The following PSIP1 variants were observed in gnomAD, a reference collection of about 807,000 sequenced individuals.
The protein encoded by PSIP1 is PC4 and SFRS1-interacting protein.
A neutral mutation model predicts 74.7 loss-of-function variants in PSIP1; 19 were observed. That is an observed-to-expected ratio of 0.25 (90% CI 0.18 to 0.37). The LOEUF is 0.37. Among genes scored for constraint, PSIP1 ranks in the 10% least tolerant of loss-of-function variants. The pLI, the probability that PSIP1 is intolerant of heterozygous loss-of-function variation, is 1.00. For synonymous variants in PSIP1, 222 were observed against 195.3 expected, an observed-to-expected ratio of 1.14 and a Z score of -1.14; for missense variants, 601 against 614.3, an observed-to-expected ratio of 0.98 and a Z score of 0.23.
At chr9:15,478,599 A>T in intron 7 of PSIP1, 47 bp from the exon 8 acceptor site, 1 of 1,233,246 alleles carries the variant, frequency 8.1e-7, no homozygotes, top group Non-Finnish European at 1.2e-6. Flanking sequence ...GTTTCTATTT[A>T]AGATACAAAT....
chr9:15,493,895 C>T (rs1201017104), intron 3 of PSIP1, among the ~76,000 whole-genome samples: 1 of 152,140 alleles, frequency 6.6e-6, no homozygotes, highest in African/African-American at 2.4e-5. Flanking sequence ...CAGAGCCAAA[C>T]CATATCAGTA....
In PSIP1 at chr9:15,466,834, A is replaced by G. The variant is rs892165889; in HGVS notation, c.1446T>C (p.Ser482=). 1.2e-6 allele frequency: 2 copies of G among 1,613,040 alleles called. No homozygotes were observed. The highest frequency in any genetic ancestry group is 2.7e-5 in the African/African-American group (2 of 74,860). Residue 482 remains serine, a synonymous_variant, in exon 15 of 16, where the codon TCT becomes TCC. Transcript: ENST00000380733. ...GTGGCTGATTACCATCTTGAGCATC[A>G]GATCCTCCATTTAGAGTCTTTGACC... ...QTGSKTLNGG[S]DAQDGNQPQH... is the part of the protein sequence containing the mutation.
chr9:15,470,068 C>A, intron 10 of PSIP1, 75 bp from the exon 11 acceptor site: 4 of 1,222,752 alleles, frequency 3.3e-6, no homozygotes, highest in Non-Finnish European at 4.7e-6. Flanking sequence ...TATGTAAAAG[C>A]TAAAAATGTT....
In PSIP1 at chr9:15,469,057, T is replaced by A. The variant is rs536287269; in HGVS notation, c.1106A>T (p.Asp369Val). 6.2e-7 allele frequency: 1 copy of A among 1,612,512 alleles called. No homozygotes were observed. Among genetic ancestry groups the A allele is most frequent in the South Asian group, 1.1e-5 (1 of 90,794 alleles). ...CAAGGCCTCAATGCATCTGTTCACA[T>A]CCTTCATGACAAAACAGTAATTTCA... ...IKNSLKIDNL[D>V]VNRCIEALDE... is the part of the protein sequence containing the mutation. Residue 369 changes from aspartate (D) to valine (V), a missense_variant and splice_region_variant, in exon 13 of 16, where the codon GAT (aspartate) becomes GTT (valine). Asp to Val is a radical substitution (Grantham distance 152). Coordinates refer to ENST00000380733, the MANE Select transcript of PSIP1 (RefSeq NM_033222.5).
At chr9:15,508,972 G>A (rs1346638660) in intron 2 of PSIP1, among the ~76,000 whole-genome samples, 1 of 152,180 alleles carries the variant, frequency 6.6e-6, no homozygotes, top group Non-Finnish European at 1.5e-5. Flanking sequence ...AAGGAAAAAA[G>A]CTTTGGAAGG....
chr9:15,467,776 T>C (rs1003313694), intron 14 of PSIP1, among the ~76,000 whole-genome samples: 2 of 152,196 alleles, frequency 1.3e-5, no homozygotes, highest in African/African-American at 4.8e-5. Context: ...GTGAAAAAAG[T>C]AGAAGCTAAG....
Position 15,510,267 on chromosome 9 carries a change from C to T in PSIP1, c.-79G>A. The stretch of plus-strand genomic sequence containing the variant: ...GCGGCGCGGGGATGCGGGCGGCGGA[C>T]GCGGGCCCAGCTACCGGGCCCGCGG... On this transcript the variant is annotated 5_prime_UTR_variant, in exon 2 of 16. Transcript: ENST00000380733. The T allele has an allele frequency of 7.5e-7, 1 of 1,337,830 alleles. No homozygotes were observed. The highest frequency in any genetic ancestry group is 1.3e-5 in the South Asian group (1 of 75,830). 82.9% of individuals were successfully genotyped at this position (1,337,830 alleles called of 1,614,324 possible).
chr9:15,491,759 T>C (rs1297202554), intron 3 of PSIP1, among the ~76,000 whole-genome samples: 3 of 152,172 alleles, frequency 2.0e-5, no homozygotes, highest in African/African-American at 7.2e-5. Flanking sequence ...CTGGGTAATT[T>C]ATAAAGAAAA....
intron 10 of PSIP1, chr9:15,472,303 C>G: frequency 9.8e-7 from 1 of 1,024,824 alleles, no homozygotes; most frequent in South Asian, 4.5e-5. Context: ...TATATTATCG[C>G]CCCTCTATCT....
At chr9:15,483,856 G>A (rs1219301914) in intron 6 of PSIP1, among the ~76,000 whole-genome samples, 14 of 152,180 alleles carry the variant, frequency 9.2e-5, no homozygotes, top group Non-Finnish European at 1.8e-4. Flanking sequence ...AGCTGGGTAT[G>A]GTGGCGGATG....
At chr9:15,469,127 T>C in intron 12 of PSIP1, 69 bp from the exon 13 acceptor site, 1 of 1,478,130 alleles carries the variant, frequency 6.8e-7, no homozygotes. Flanking sequence ...TTTCTAAAGA[T>C]CGTTTCCAAA....
intron 8 of PSIP1, 87 bp downstream of exon 8, chr9:15,478,389 AG>A: frequency 9.6e-7 from 1 of 1,039,402 alleles, no homozygotes; most frequent in Non-Finnish European, 1.4e-6. Context: ...ATCCTGTAAG[AG>A]AAAACTGATA....
At chr9:15,488,854 T>C (rs2036684263) in intron 4 of PSIP1, among the ~76,000 whole-genome samples, 1 of 152,098 alleles carries the variant, frequency 6.6e-6, no homozygotes, top group Admixed American at 6.5e-5. Context: ...ACCCCGTCTC[T>C]ACTAAAAATA....
chr9:15,498,983 GTTT>G (rs919540189), intron 3 of PSIP1, among the ~76,000 whole-genome samples: 3 of 152,002 alleles, frequency 2.0e-5, no homozygotes, highest in Non-Finnish European at 4.4e-5. Flanking sequence ...CTTCTATATT[GTTT>G]TTTAAAATTT....
At chr9:15,490,252 T>A (rs2036762517) in intron 3 of PSIP1, 128 bp from the exon 4 acceptor site, 2 of 807,258 alleles carry the variant, frequency 2.5e-6, no homozygotes, top group Non-Finnish European at 3.6e-6. Context: ...TTAAATAAGT[T>A]AAAGGGCAAT....
intron 6 of PSIP1, among the ~76,000 whole-genome samples, chr9:15,481,518 A>T (rs999947426): frequency 6.6e-6 from 1 of 152,180 alleles, no homozygotes; most frequent in Non-Finnish European, 1.5e-5. Context: ...CAACATGGTG[A>T]AACCCCATCT....
At chr9:15,503,677 CA>C (rs1259768758) in intron 3 of PSIP1, among the ~76,000 whole-genome samples, 1 of 151,356 alleles carries the variant, frequency 6.6e-6, no homozygotes, top group Non-Finnish European at 1.5e-5. Context: ...AAAAAAACTT[CA>C]AATAACTACC....
At chr9:15,469,197 T>C (rs2035742757) in intron 12 of PSIP1, 69 bp downstream of exon 12, 1 of 1,322,360 alleles carries the variant, frequency 7.6e-7, no homozygotes, top group Non-Finnish European at 1.1e-6. Flanking sequence ...ACTCATAAGA[T>C]CATGTGAGAA....
At chr9:15,498,472 T>C (rs761315574) in intron 3 of PSIP1, among the ~76,000 whole-genome samples, 7 of 151,452 alleles carry the variant, frequency 4.6e-5, no homozygotes, top group Non-Finnish European at 7.4e-5. Flanking sequence ...ACTGATGAAC[T>C]CTTAATGAGA....
Sources: allele counts gnomAD v4.1 joint callset (sites outside exome capture counted in the v4.1 genomes callset), GRCh38; gene constraint gnomAD v4.1.1; transcripts MANE v1.5; gene names NCBI Gene and HGNC (gene_info 2026-07-23, HGNC 2026-07-21).